Variants in FBXL16 observed in about 807,000 individuals in gnomAD.
The protein encoded by FBXL16 is F-box and leucine rich repeat protein 16.
In FBXL16, 7 loss-of-function variants were observed where a neutral mutation model predicts 36.7. The observed-to-expected ratio is 0.19, with a 90% confidence interval of 0.11 to 0.36. The LOEUF is 0.36. FBXL16 is among the 10% of genes least tolerant of loss of function. FBXL16 has a pLI of 1.00. For synonymous variants in FBXL16, 355 were observed against 308.7 expected (o/e 1.15, Z -1.57); for missense variants, 463 against 659.4 (o/e 0.70, Z 3.26).
chr16:697,398 C>A lies in FBXL16; in HGVS notation c.8G>T (p.Ser3Ile). 1.3e-6 allele frequency: 2 copies of A among 1,534,142 alleles called. No individual in the cohort carries two copies. The highest frequency in any genetic ancestry group is 1.2e-5 in the South Asian group (1 of 83,740). Residue 3 changes from serine to isoleucine, a missense_variant, in exon 2 of 6, where the codon AGC becomes ATC. Transcript: ENST00000397621. This position sits in a 1 kb window ranked among gnomAD's most constrained non-coding sequence, Gnocchi z 4.6. ...CTTGGGGTCGCCGTCGATGCCCGGG[C>A]TCGACATCTTCCTGGCACGCTCTGT... MS[S>I]PGIDGDPKPP... is the part of the protein sequence containing the mutation.
In FBXL16 at chr16:694,195, G is replaced by A. The variant is rs1226914897; in HGVS notation, c.*80C>T. ...GCGGGGGCTCCCCCGAGCGCAAGGC[G>A]GGAAGAGGGGGCTCGGCGGCGCCCC... On this transcript the variant is annotated 3_prime_UTR_variant, in exon 6 of 6. Coordinates refer to ENST00000397621, the MANE Select transcript of FBXL16 (RefSeq NM_153350.4). 9.4e-7 allele frequency: 1 copy of A among 1,059,880 alleles called. No individual in the cohort carries two copies. Among genetic ancestry groups the A allele is most frequent in the Non-Finnish European group, 1.2e-6 (1 of 825,314 alleles). 65.7% of individuals were successfully genotyped at this position (1,059,880 alleles called of 1,614,324 possible). A position where few individuals can be genotyped will look rare whatever the true frequency, so the allele number is the denominator to read the frequency against.
Position 697,644 on chromosome 16 carries a change from GC to G in FBXL16, c.-14-226del. Among the ~76,000 whole-genome samples the G allele has an allele frequency of 6.6e-6, 1 of 152,276 alleles. No homozygotes were observed. ...AGCACTCACTGGGCACCTACGGTATGCACTGAGCCCAACCTTCATTGCCCAT... is the reference window on the plus strand; with the variant it reads ...AGCACTCACTGGGCACCTACGGTATGACTGAGCCCAACCTTCATTGCCCAT... On this transcript the variant is annotated intron_variant, in intron 1 of 5. Transcript: ENST00000397621. This position sits in a 1 kb window ranked among gnomAD's most constrained non-coding sequence, Gnocchi z 4.6.
In FBXL16 at chr16:694,417, G is replaced by C; in HGVS notation, c.1298C>G (p.Pro433Arg). The C allele has an allele frequency of 1.3e-6, 2 of 1,548,906 alleles. No homozygotes were observed. The highest frequency in any genetic ancestry group is 1.7e-6 in the Non-Finnish European group (2 of 1,156,088). ...SLRLLSLAGC[P>R]LLTTTGLSGL... ...CGACAGCCCGGTGGTGGTGAGCAGC[G>C]GGCAGCCTGCGGCGGGGTCAGAGGG... Residue 433 changes from proline to arginine, a missense_variant, in exon 6 of 6, where the codon CCG (proline) becomes CGG (arginine). Physicochemically the swap from Pro to Arg is moderately radical, Grantham distance 103. This residue lies in a region of FBXL16 where 134 missense variants were observed against 172.0 expected (regional missense o/e 0.78). Transcript: ENST00000397621.
At position 694,325 on chromosome 16, in the gene FBXL16, G is replaced by A; in HGVS notation, c.1390C>T (p.Leu464Phe). The A allele has an allele frequency of 6.6e-7, 1 of 1,507,794 alleles. No individual in the cohort carries two copies. Among genetic ancestry groups the A allele is most frequent in the Non-Finnish European group, 8.8e-7 (1 of 1,134,368 alleles). The allele number at this position is 1,507,794 out of a possible 1,614,324, so 93.4% of individuals were successfully genotyped here. A position where few individuals can be genotyped will look rare whatever the true frequency, so the allele number is the denominator to read the frequency against. ...AGGTGCTGCGAGAAATACTTGAAGAGCTCGGGGGTGGCCCCGGGGCAGTTG... is the reference window on the plus strand; with the variant it reads ...AGGTGCTGCGAGAAATACTTGAAGAACTCGGGGGTGGCCCCGGGGCAGTTG... ...LTNCPGATPE[L>F]FKYFSQHLPR... Residue 464 changes from leucine (L) to phenylalanine (F), a missense_variant, in exon 6 of 6, where the codon CTC becomes TTC. This residue lies in a region of FBXL16 where 134 missense variants were observed against 172.0 expected (regional missense o/e 0.78). Transcript: ENST00000397621.
intron 1 of FBXL16, among the ~76,000 whole-genome samples, chr16:702,239 C>G (rs2040062857): frequency 6.6e-6 from 1 of 152,156 alleles, no homozygotes; most frequent in Admixed American, 6.5e-5. Flanking sequence ...TTCCTCCTCC[C>G]CTGCTCCTCT....
At position 697,171 on chromosome 16, in the gene FBXL16, C is replaced by T; in HGVS notation, c.235G>A (p.Gly79Arg). Residue 79 changes from glycine to arginine, a missense_variant, in exon 2 of 6, where the codon GGA (glycine) becomes AGA (arginine). This residue lies in a region of FBXL16 where 263 missense variants were observed against 341.1 expected (regional missense o/e 0.77). Transcript: ENST00000397621. The surrounding 1 kb of genome is among the most constrained non-coding windows in gnomAD (Gnocchi z 4.6). ...CCAGGTGCCAAGGCTGAGGCTGGTC[C>T]ACCTGCCGGGGTGCACGGGCCCCCA... is the stretch of plus-strand genomic sequence containing the variant. ...LAGGPCTPAG[G>R]PASALAPGHP... The T allele has an allele frequency of 1.3e-6, 2 of 1,555,206 alleles. No individual in the cohort carries two copies. Among genetic ancestry groups the T allele is most frequent in the East Asian group, 2.3e-5 (1 of 43,052 alleles).
chr16:702,418 T>C (rs2040064353), intron 1 of FBXL16, among the ~76,000 whole-genome samples: 1 of 152,108 alleles, frequency 6.6e-6, no homozygotes, highest in South Asian at 2.1e-4. Context: ...ATCACATGGG[T>C]TATCATCACT....
intron 1 of FBXL16, among the ~76,000 whole-genome samples, chr16:698,309 CT>C (rs1187338401): frequency 6.6e-6 from 1 of 152,150 alleles, no homozygotes; most frequent in Non-Finnish European, 1.5e-5. Context: ...GACCGGAAAC[CT>C]TTTTGTTTGC....
intron 1 of FBXL16, among the ~76,000 whole-genome samples, chr16:700,869 G>A (rs1190532066): frequency 2.0e-5 from 3 of 152,166 alleles, no homozygotes; most frequent in Admixed American, 2.0e-4. Context: ...TGCGGGGTCG[G>A]GGCAGCCCCG....
intron 1 of FBXL16, among the ~76,000 whole-genome samples, chr16:702,343 G>T (rs558108691): frequency 2.0e-5 from 3 of 152,100 alleles, no homozygotes; most frequent in Non-Finnish European, 4.4e-5. Context: ...TTCCTGGTGC[G>T]AGGTCGCCCC....
chr16:702,995 T>A (rs1331560985), intron 1 of FBXL16, among the ~76,000 whole-genome samples: 1 of 152,208 alleles, frequency 6.6e-6, no homozygotes, highest in African/African-American at 2.4e-5. Context: ...ACACACTGCC[T>A]AACTAGGAGT....
At chr16:703,419 T>C (rs186728462) in intron 1 of FBXL16, among the ~76,000 whole-genome samples, 1 of 152,198 alleles carries the variant, frequency 6.6e-6, no homozygotes. Flanking sequence ...TCAGCCCTCA[T>C]AGAACCTCAG....
rs1414732938 is a variant in FBXL16 at position 695,771 on chromosome 16, G to C, written c.786C>G (p.Ala262=). The C allele has an allele frequency of 6.2e-7, 1 of 1,604,920 alleles. No individual in the cohort carries two copies. The highest frequency in any genetic ancestry group is 8.5e-7 in the Non-Finnish European group (1 of 1,178,158). ...CCAGGTTGGGCAGCAGCTGCGAGATGGCCGCGATGGCGTCGTCGGCCACGT... is the reference window on the plus strand; with the variant it reads ...CCAGGTTGGGCAGCAGCTGCGAGATCGCCGCGATGGCGTCGTCGGCCACGT... ...CINVADDAIA[A]ISQLLPNLAE... The change falls in exon 3 of 6, where the codon GCC becomes GCG. Residue 262 remains alanine, a synonymous_variant. Transcript: ENST00000397621.
At chr16:699,347 G>A (rs1316681351) in intron 1 of FBXL16, among the ~76,000 whole-genome samples, 1 of 152,220 alleles carries the variant, frequency 6.6e-6, no homozygotes, top group African/African-American at 2.4e-5. Context: ...AAGAAGCAGA[G>A]GTGGGACCCT....
chr16:703,907 C>T (rs1434679190), intron 1 of FBXL16, among the ~76,000 whole-genome samples: 1 of 152,236 alleles, frequency 6.6e-6, no homozygotes, highest in South Asian at 2.1e-4. Context: ...AGGCCTGGGC[C>T]CCTAGTGCCT....
chr16:702,475 A>G (rs944349893), intron 1 of FBXL16, among the ~76,000 whole-genome samples: 7 of 152,196 alleles, frequency 4.6e-5, no homozygotes, highest in South Asian at 2.1e-4. Context: ...TTGAGGACAG[A>G]CAGCACCAAC....
chr16:695,599 G>A lies in FBXL16; in HGVS notation c.958C>T (p.Pro320Ser). ...GAGAGGCTGAGCGCGGTGAGGTTGGGCAGGCTGTGCACCACGTTGACCACG... is the reference window on the plus strand; with the variant it reads ...GAGAGGCTGAGCGCGGTGAGGTTGGACAGGCTGTGCACCACGTTGACCACG... The part of the protein sequence containing the change: ...HGVVNVVHSL[P>S]NLTALSLSGC... Residue 320 changes from proline to serine, a missense_variant, in exon 3 of 6, where the codon CCC (proline) becomes TCC (serine). Physicochemically the swap from Pro to Ser is moderately conservative, Grantham distance 74. Coordinates refer to ENST00000397621, the MANE Select transcript of FBXL16 (RefSeq NM_153350.4). The A allele has an allele frequency of 6.2e-7, 1 of 1,606,246 alleles. No homozygotes were observed. The highest frequency in any genetic ancestry group is 1.3e-5 in the African/African-American group (1 of 75,032).
At chr16:694,842 G>C in intron 4 of FBXL16, 145 bp from the exon 5 acceptor site, 1 of 1,251,486 alleles carries the variant, frequency 8.0e-7, no homozygotes, top group Non-Finnish European at 1.1e-6. Flanking sequence ...AGTGCTCGTG[G>C]GGGCCGCCGG....
chr16:695,473 T>C lies in FBXL16; in HGVS notation c.1084A>G (p.Met362Val), dbSNP rs1453353684. The C allele has an allele frequency of 4.4e-6, 7 of 1,578,906 alleles. No homozygotes were observed. The highest frequency in any genetic ancestry group is 1.1e-5 in the South Asian group (1 of 88,138). The change falls in exon 3 of 6, where the codon ATG becomes GTG. Residue 362 changes from methionine (M) to valine (V), a missense_variant. Physicochemically the swap from Met to Val is conservative, Grantham distance 21. Around this residue, in one of 3 missense-constraint regions of FBXL16, gnomAD observed 134 missense variants for 172.0 expected, o/e 0.78. Coordinates refer to ENST00000397621, the MANE Select transcript of FBXL16 (RefSeq NM_153350.4). ...DLSWCPRITD[M>V]ALEYVACDLH... Reference sequence around the variant, plus strand: ...TCGCAGGCCACGTACTCCAGCGCCATGTCGGTGATGCGTGGGCACCACGAG... The same window carrying C: ...TCGCAGGCCACGTACTCCAGCGCCACGTCGGTGATGCGTGGGCACCACGAG...
Sources: allele counts gnomAD v4.1 joint callset (sites outside exome capture counted in the v4.1 genomes callset), GRCh38; gene constraint gnomAD v4.1.1; regional missense constraint gnomAD v4.1.1; non-coding constraint Gnocchi (gnomAD v3.1); transcripts MANE v1.5; gene names NCBI Gene and HGNC (gene_info 2026-07-23, HGNC 2026-07-21).